The following PAWR variants were observed in gnomAD, a reference collection of about 807,000 sequenced individuals.
PAWR encodes the protein pro-apoptotic WT1 regulator, also known as PRKC apoptosis WT1 regulator protein.
In PAWR, 23 loss-of-function variants were observed where a neutral mutation model predicts 32.0. The ratio of observed to expected loss-of-function variants is 0.72; its 90% CI spans 0.52 to 1.02. PAWR has a LOEUF of 1.02. PAWR is among the 50% of genes least tolerant of loss of function. The pLI, the probability that PAWR is intolerant of heterozygous loss-of-function variation, is 0.00. For synonymous variants in PAWR, 226 were observed against 187.1 expected (o/e 1.21, Z -1.70); for missense variants, 457 against 437.7 (o/e 1.04, Z -0.39).
intron 2 of PAWR, among the ~76,000 whole-genome samples, chr12:79,632,342 T>TAC (rs1875722789): frequency 1.2e-4 from 7 of 60,706 alleles, no homozygotes; most frequent in East Asian, 5.4e-4. Context: ...TATATATATA[T>TAC]ATATATATAT....
intron 2 of PAWR, among the ~76,000 whole-genome samples, chr12:79,629,556 G>A (rs1446904268): frequency 6.6e-6 from 1 of 151,518 alleles, no homozygotes; most frequent in Non-Finnish European, 1.5e-5. Flanking sequence ...TTCTCTATCA[G>A]TACTTAATAC....
At chr12:79,634,465 G>A (rs536428467) in intron 2 of PAWR, among the ~76,000 whole-genome samples, 3 of 152,182 alleles carry the variant, frequency 2.0e-5, no homozygotes, top group South Asian at 4.2e-4. Context: ...ATTTTAGGAG[G>A]TACACACAAT....
chr12:79,597,538 T>C (rs1042677408), intron 4 of PAWR, among the ~76,000 whole-genome samples: 3 of 152,144 alleles, frequency 2.0e-5, no homozygotes, highest in African/African-American at 7.2e-5. Flanking sequence ...ACCCATAAAA[T>C]TATAAATAGA....
At position 79,591,232 on chromosome 12, in the gene PAWR, A is replaced by T. The variant is rs1257906092; in HGVS notation, c.*1375T>A. The T allele has an allele frequency of 6.6e-6, 1 of 152,190 alleles. No individual in the cohort carries two copies. The highest frequency in any genetic ancestry group is 1.9e-4 in the East Asian group (1 of 5,200). The allele number at this position is 152,190 out of a possible 1,614,324, so 9.4% of individuals were successfully genotyped here. A position where few individuals can be genotyped will look rare whatever the true frequency, so the allele number is the denominator to read the frequency against. On this transcript the variant is annotated 3_prime_UTR_variant, in exon 7 of 7. Coordinates refer to ENST00000328827, the MANE Select transcript of PAWR (RefSeq NM_002583.4). Reference sequence around the variant, plus strand: ...TAAATGTAGAGACTTTTAGAATTCAACATTTGATTATCATTTACTCCACAT... The same window carrying T: ...TAAATGTAGAGACTTTTAGAATTCATCATTTGATTATCATTTACTCCACAT...
intron 2 of PAWR, among the ~76,000 whole-genome samples, chr12:79,685,790 T>C (rs746286906): frequency 6.6e-6 from 1 of 152,204 alleles, no homozygotes; most frequent in Non-Finnish European, 1.5e-5. Context: ...CTTAAGATAA[T>C]CTTTAATAAA....
chr12:79,663,272 G>T (rs1242781183), intron 2 of PAWR, among the ~76,000 whole-genome samples: 1 of 152,086 alleles, frequency 6.6e-6, no homozygotes, highest in Non-Finnish European at 1.5e-5. Context: ...CTCCTATCTT[G>T]TCTATGGTTT....
chr12:79,636,385 A>G (rs1875962644), intron 2 of PAWR, among the ~76,000 whole-genome samples: 1 of 152,110 alleles, frequency 6.6e-6, no homozygotes, highest in African/African-American at 2.4e-5. Context: ...TTTTACTTAT[A>G]TTAATAACAA....
chr12:79,675,422 G>A (rs2136865899), intron 2 of PAWR, among the ~76,000 whole-genome samples: 1 of 152,126 alleles, frequency 6.6e-6, no homozygotes, highest in East Asian at 1.9e-4. Context: ...CTACCATGAA[G>A]ACACAAGCAT....
chr12:79,664,556 C>T (rs1371898672), intron 2 of PAWR, among the ~76,000 whole-genome samples: 1 of 151,304 alleles, frequency 6.6e-6, no homozygotes, highest in Non-Finnish European at 1.5e-5. Flanking sequence ...TGTTTGGGGC[C>T]ACACATTGTT....
At chr12:79,653,884 A>C (rs1038718674) in intron 2 of PAWR, among the ~76,000 whole-genome samples, 3 of 152,266 alleles carry the variant, frequency 2.0e-5, no homozygotes, top group African/African-American at 4.8e-5. Context: ...TGTAGACAAC[A>C]GGAATTCATT....
At chr12:79,643,572 G>A (rs1029772661) in intron 2 of PAWR, among the ~76,000 whole-genome samples, 1 of 152,032 alleles carries the variant, frequency 6.6e-6, no homozygotes, top group Non-Finnish European at 1.5e-5. Context: ...TAATTCTGAT[G>A]TTTCAACAAG....
chr12:79,609,712 T>C (rs1419815776), intron 4 of PAWR, among the ~76,000 whole-genome samples: 1 of 152,116 alleles, frequency 6.6e-6, no homozygotes, highest in Non-Finnish European at 1.5e-5. Flanking sequence ...TTCACCACCC[T>C]TCAATTCGTT....
chr12:79,613,596 G>T lies in PAWR; in HGVS notation c.662C>A (p.Thr221Lys). ...TTACCTTTTATATCTGCCTGAAACT[G>T]TTCTAGGTGGCTCCTGCAAAGTAAA... Reference protein sequence around the residue: ...SSYLLQEPPRTVSGRYKSTTS... With the variant: ...SSYLLQEPPRKVSGRYKSTTS... Residue 221 changes from threonine (T) to lysine (K), a missense_variant, in exon 4 of 7, where the codon ACA (threonine) becomes AAA (lysine). Coordinates refer to ENST00000328827, the MANE Select transcript of PAWR (RefSeq NM_002583.4). The T allele has an allele frequency of 6.5e-7, 1 of 1,543,756 alleles. No homozygotes were observed. The highest frequency in any genetic ancestry group is 8.9e-7 in the Non-Finnish European group (1 of 1,122,662).
chr12:79,608,152 T>C (rs1874270221), intron 4 of PAWR, among the ~76,000 whole-genome samples: 1 of 152,160 alleles, frequency 6.6e-6, no homozygotes, highest in Non-Finnish European at 1.5e-5. Flanking sequence ...TCTAAATAAA[T>C]TATTCATCTC....
intron 3 of PAWR, among the ~76,000 whole-genome samples, chr12:79,615,339 C>G (rs533114274): frequency 5.7e-4 from 87 of 152,092 alleles, no homozygotes; most frequent in Non-Finnish European, 1.1e-3. Flanking sequence ...ATATTGACAA[C>G]TTAGGGAAAT....
chr12:79,674,837 G>C (rs1207683270), intron 2 of PAWR, among the ~76,000 whole-genome samples: 1 of 152,106 alleles, frequency 6.6e-6, no homozygotes. Flanking sequence ...TTTGAGAAAT[G>C]TAAATTAAAA....
At chr12:79,659,953 T>C (rs1435214460) in intron 2 of PAWR, among the ~76,000 whole-genome samples, 1 of 152,186 alleles carries the variant, frequency 6.6e-6, no homozygotes, top group African/African-American at 2.4e-5. Flanking sequence ...GATTTACTCT[T>C]CTTAAGTAAC....
At chr12:79,682,103 A>C (rs1212544743) in intron 2 of PAWR, among the ~76,000 whole-genome samples, 1 of 152,106 alleles carries the variant, frequency 6.6e-6, no homozygotes, top group Non-Finnish European at 1.5e-5. Context: ...TTCAAACTGT[A>C]TATTATTATG....
intron 2 of PAWR, among the ~76,000 whole-genome samples, chr12:79,667,105 C>T (rs1397936687): frequency 3.9e-5 from 6 of 152,312 alleles, no homozygotes; most frequent in Non-Finnish European, 8.8e-5. Context: ...AACTGTGCCC[C>T]GACCACCTTG....
Sources: gnomAD v4.1 joint callset for allele counts (sites outside exome capture counted in the v4.1 genomes callset) on GRCh38, gnomAD v4.1.1 for gene constraint, MANE v1.5 for transcripts, NCBI Gene and HGNC (gene_info 2026-07-23, HGNC 2026-07-21) for gene names.